The following SCCPDH variants were observed in gnomAD, a reference collection of about 807,000 sequenced individuals.
The protein encoded by SCCPDH is saccharopine dehydrogenase (putative), also known as saccharopine dehydrogenase-like oxidoreductase.
In SCCPDH, 34 loss-of-function variants were observed where a neutral mutation model predicts 51.5. That is an observed-to-expected ratio of 0.66 (90% CI 0.50 to 0.88). The LOEUF is 0.88. Among genes scored for constraint, SCCPDH ranks in the 40% least tolerant of loss-of-function variants. The pLI is 0.00. For synonymous variants in SCCPDH, 187 were observed against 191.3 expected (o/e 0.98, Z 0.19); for missense variants, 464 against 527.1 (o/e 0.88, Z 1.17).
At chr1:246,742,103 CAG>C (rs1668690754) in intron 4 of SCCPDH, among the ~76,000 whole-genome samples, 1 of 152,136 alleles carries the variant, frequency 6.6e-6, no homozygotes, top group South Asian at 2.1e-4. Context: ...GAATGAATGT[CAG>C]AAGGCAGTAG....
intron 5 of SCCPDH, among the ~76,000 whole-genome samples, chr1:246,752,661 C>T (rs1054290801): frequency 6.6e-6 from 1 of 151,804 alleles, no homozygotes; most frequent in African/African-American, 2.4e-5. Flanking sequence ...TAACTTTCCT[C>T]GATTCCTGTC....
intron 9 of SCCPDH, among the ~76,000 whole-genome samples, chr1:246,760,704 T>G (rs1324509086): frequency 6.6e-6 from 1 of 152,180 alleles, no homozygotes; most frequent in African/African-American, 2.4e-5. Flanking sequence ...TTTTCTACCG[T>G]TTGGCTTACA....
At chr1:246,754,118 G>A (rs931205095) in intron 5 of SCCPDH, among the ~76,000 whole-genome samples, 27 of 151,784 alleles carry the variant, frequency 1.8e-4, no homozygotes, top group African/African-American at 5.6e-4. Flanking sequence ...GAGGCTCCTC[G>A]CATTCACACA....
rs551259825 is a variant in SCCPDH at position 246,750,121 on chromosome 1, C to T, written c.564+5996C>T. Among the ~76,000 whole-genome samples, 6 of 152,238 alleles carry T rather than the reference C, an allele frequency of 3.9e-5. No individual in the cohort carries two copies. The East Asian group carries it at 5.8e-4, about 15-fold the overall frequency. ...CATCCTCTTTCTGCTGTTCGAACCG[C>T]GGTCTTGGTGCTTAGAAGCACTAGG... is the stretch of plus-strand genomic sequence containing the variant. On this transcript the variant is annotated intron_variant, in intron 5 of 11. Transcript: ENST00000366510.
chr1:246,767,272 T>G lies in SCCPDH; in HGVS notation c.1262T>G (p.Phe421Cys). The part of the protein sequence containing the change: ...IDRLNKHGIE[F>C]SVISSSEV ...AGACTCAACAAACACGGTATTGAGT[T>G]TAGTGTTATTAGCAGCTCTGAAGTC... Residue 421 changes from phenylalanine to cysteine, a missense_variant, in exon 12 of 12, where the codon TTT (phenylalanine) becomes TGT (cysteine). Transcript: ENST00000366510. 1 of 1,607,314 alleles carries G rather than the reference T, an allele frequency of 6.2e-7. No individual in the cohort carries two copies. Among genetic ancestry groups the G allele is most frequent in the Non-Finnish European group, 8.5e-7 (1 of 1,176,126 alleles).
At chr1:246,739,528 G>T (rs950863677) in intron 3 of SCCPDH, among the ~76,000 whole-genome samples, 2 of 152,142 alleles carry the variant, frequency 1.3e-5, no homozygotes, top group Admixed American at 1.3e-4. Context: ...AAGGGGTTCA[G>T]TTAAAACTAA....
rs146905553 is a variant in SCCPDH at position 246,724,446 on chromosome 1, C to T, written c.24C>T (p.Phe8=). Residue 8 remains phenylalanine (F), a synonymous_variant, in exon 1 of 12, where the codon TTC becomes TTT. Coordinates refer to ENST00000366510, the MANE Select transcript of SCCPDH (RefSeq NM_016002.3). ...TCATGGCGACCGAGCAGAGGCCTTTCCACCTGGTGGTGTTCGGCGCGTCTG... is the reference window on the plus strand; with the variant it reads ...TCATGGCGACCGAGCAGAGGCCTTTTCACCTGGTGGTGTTCGGCGCGTCTG... The part of the protein sequence containing the change: MATEQRP[F]HLVVFGASGF... 6.3e-7 allele frequency: 1 copy of T among 1,586,226 alleles called. No homozygotes were observed. Among genetic ancestry groups the T allele is most frequent in the East Asian group, 2.4e-5 (1 of 41,946 alleles).
intron 2 of SCCPDH, among the ~76,000 whole-genome samples, chr1:246,729,734 G>A (rs1668463367): frequency 6.6e-6 from 1 of 152,180 alleles, no homozygotes; most frequent in Non-Finnish European, 1.5e-5. Flanking sequence ...ACAGGCATAG[G>A]AAATTATAAC....
chr1:246,742,086 A>C (rs1023257270), intron 4 of SCCPDH, among the ~76,000 whole-genome samples: 1 of 152,212 alleles, frequency 6.6e-6, no homozygotes, highest in African/African-American at 2.4e-5. Context: ...TGAATGAATG[A>C]ACGAATGAAT....
In SCCPDH at chr1:246,740,351, G is replaced by A. The variant is rs775856019; in HGVS notation, c.514+50G>A. 5 of 1,468,042 alleles carry A rather than the reference G, an allele frequency of 3.4e-6. No individual in the cohort carries two copies. The Admixed American group carries it at 6.3e-5, about 18-fold the overall frequency. The allele number at this position is 1,468,042 out of a possible 1,614,324, so 90.9% of individuals were successfully genotyped here. A position where few individuals can be genotyped will look rare whatever the true frequency, so the allele number is the denominator to read the frequency against. On this transcript the variant is annotated intron_variant, in intron 4 of 11. Transcript: ENST00000366510. The stretch of plus-strand genomic sequence containing the variant: ...ATGGAATTTAACAGTACCGTGCAAA[G>A]GCTTCATGTTTCTAACTGTGGTGAA...
At chr1:246,725,412 C>G (rs1227941153) in intron 1 of SCCPDH, among the ~76,000 whole-genome samples, 1 of 152,188 alleles carries the variant, frequency 6.6e-6, no homozygotes, top group Non-Finnish European at 1.5e-5. Flanking sequence ...GAGACAGACA[C>G]ACGGATCCTG....
At chr1:246,724,948 T>A (rs1249313055) in intron 1 of SCCPDH, among the ~76,000 whole-genome samples, 2 of 152,122 alleles carry the variant, frequency 1.3e-5, no homozygotes, top group African/African-American at 4.8e-5. Flanking sequence ...TGCTTCATCC[T>A]GCCCCGCAGC....
At chr1:246,750,238 C>G (rs1668830565) in intron 5 of SCCPDH, among the ~76,000 whole-genome samples, 1 of 152,064 alleles carries the variant, frequency 6.6e-6, no homozygotes, top group African/African-American at 2.4e-5. Context: ...ACTGGAAACT[C>G]TAGCGGGGGG....
At chr1:246,740,519 T>C (rs377513566) in intron 4 of SCCPDH, among the ~76,000 whole-genome samples, 2 of 152,332 alleles carry the variant, frequency 1.3e-5, no homozygotes, top group South Asian at 2.1e-4. Flanking sequence ...TACAGTGATA[T>C]ATTATTGTCT....
At chr1:246,754,661 C>T (rs149265523) in intron 5 of SCCPDH, among the ~76,000 whole-genome samples, 1,702 of 152,256 alleles carry the variant, frequency 0.011, 28 homozygotes, top group African/African-American at 0.039. Flanking sequence ...TAAGGGGGTC[C>T]GTGTGAGAGG....
intron 4 of SCCPDH, among the ~76,000 whole-genome samples, chr1:246,741,793 A>C (rs1329581240): frequency 6.6e-6 from 1 of 152,022 alleles, no homozygotes. Flanking sequence ...AGGGCTGGGC[A>C]CGGTGGCTCA....
intron 9 of SCCPDH, among the ~76,000 whole-genome samples, chr1:246,760,480 G>A (rs1668996113): frequency 6.6e-6 from 1 of 152,064 alleles, no homozygotes. Flanking sequence ...GGCCCAGCTG[G>A]GATGAGAACC....
intron 2 of SCCPDH, among the ~76,000 whole-genome samples, chr1:246,729,547 G>T (rs1192882915): frequency 6.6e-5 from 10 of 152,130 alleles, no homozygotes; most frequent in African/African-American, 1.9e-4. Flanking sequence ...AGACATTATG[G>T]TTATCTCCCT....
intron 5 of SCCPDH, among the ~76,000 whole-genome samples, chr1:246,757,892 A>G (rs1015484664): frequency 1.3e-5 from 2 of 151,978 alleles, no homozygotes; most frequent in Admixed American, 6.6e-5. Flanking sequence ...TATGGGGCAG[A>G]AAAAAAAGGA....
Sources: allele counts gnomAD v4.1 joint callset (sites outside exome capture counted in the v4.1 genomes callset), GRCh38; gene constraint gnomAD v4.1.1; transcripts MANE v1.5; gene names NCBI Gene and HGNC (gene_info 2026-07-23, HGNC 2026-07-21).